The following RGS21 variants were observed in gnomAD, a reference collection of about 807,000 sequenced individuals.
RGS21 encodes the protein regulator of G-protein signalling 21.
In RGS21, 19 loss-of-function variants were observed where a neutral mutation model predicts 18.7. The ratio of observed to expected loss-of-function variants is 1.01; its 90% CI spans 0.71 to 1.49. The LOEUF is 1.49. RGS21 is among the 40% of genes most tolerant of loss of function. The probability of loss-of-function intolerance (pLI) is 0.00; values close to 1 mark genes in which losing one functional copy is unlikely to be tolerated. For synonymous variants in RGS21, 56 were observed against 57.8 expected, an observed-to-expected ratio of 0.97 and a Z score of 0.14; for missense variants, 194 against 176.8, an observed-to-expected ratio of 1.10 and a Z score of -0.55.
At chr1:192,331,255 T>C (rs977372692) in intron 1 of RGS21, among the ~76,000 whole-genome samples, 2 of 152,154 alleles carry the variant, frequency 1.3e-5, no homozygotes, top group African/African-American at 4.8e-5. Flanking sequence ...AAATCTATTT[T>C]AAATAAATAT....
chr1:192,356,757 C>A (rs1258643216), intron 4 of RGS21, among the ~76,000 whole-genome samples: 1 of 151,624 alleles, frequency 6.6e-6, no homozygotes, highest in African/African-American at 2.4e-5. Context: ...CGTATTTTTT[C>A]TTTGCATTTT....
chr1:192,338,699 C>T (rs879607156), intron 1 of RGS21, among the ~76,000 whole-genome samples: 11 of 152,068 alleles, frequency 7.2e-5, no homozygotes, highest in Non-Finnish European at 1.6e-4. Flanking sequence ...ACACTGTAGC[C>T]TTAACTTTTC....
chr1:192,355,636 T>C (rs953307096), intron 4 of RGS21, among the ~76,000 whole-genome samples: 11 of 151,714 alleles, frequency 7.3e-5, no homozygotes, highest in African/African-American at 1.9e-4. Flanking sequence ...ACTTTGTACA[T>C]ACTAATAATG....
chr1:192,364,961 C>G (rs374763284), intron 4 of RGS21, among the ~76,000 whole-genome samples: 6 of 151,768 alleles, frequency 4.0e-5, no homozygotes, highest in Non-Finnish European at 7.4e-5. Context: ...GGTGAAACCC[C>G]GTCTCTACTA....
intron 3 of RGS21, among the ~76,000 whole-genome samples, chr1:192,351,264 T>C (rs898577177): frequency 1.3e-5 from 2 of 152,140 alleles, no homozygotes; most frequent in Non-Finnish European, 2.9e-5. Context: ...TATCGCCACA[T>C]AAAGGGGAGA....
chr1:192,334,853 A>G (rs1168654410), intron 1 of RGS21, among the ~76,000 whole-genome samples: 1 of 152,030 alleles, frequency 6.6e-6, no homozygotes, highest in Admixed American at 6.6e-5. Flanking sequence ...TTCCCCCAAC[A>G]AGATTGGGTT....
chr1:192,359,643 ATG>A lies in RGS21; in HGVS notation c.256-6266_256-6265del, dbSNP rs541800064. On this transcript the variant is annotated intron_variant, in intron 4 of 4. Coordinates refer to ENST00000417209, the MANE Select transcript of RGS21 (RefSeq NM_001039152.3). Reference sequence around the variant, plus strand: ...TATGTGTATGTATATATATGTTTATATGTGTGTGTGTGTATATATATATATAT... The same window carrying A: ...TATGTGTATGTATATATATGTTTATATGTGTGTGTGTATATATATATATAT... Among the ~76,000 whole-genome samples, 278 of 126,206 alleles carry A rather than the reference ATG, an allele frequency of 2.2e-3. 2 individuals are homozygous for A. Among genetic ancestry groups the A allele is most frequent in the Middle Eastern group, 0.013 (3 of 236 alleles). The allele number at this position is 126,206 out of a possible 152,430, so 82.8% of individuals were successfully genotyped here.
intron 4 of RGS21, among the ~76,000 whole-genome samples, chr1:192,359,655 GTATATA>G (rs10638712): frequency 1.6e-5 from 2 of 124,270 alleles, no homozygotes; most frequent in Admixed American, 8.1e-5. Flanking sequence ...GTGTGTGTGT[GTATATA>G]TATATATATA....
At chr1:192,329,646 T>C (rs1658617519) in intron 1 of RGS21, among the ~76,000 whole-genome samples, 1 of 152,154 alleles carries the variant, frequency 6.6e-6, no homozygotes, top group Non-Finnish European at 1.5e-5. Context: ...GAGATGTTTC[T>C]CAAATGAGGT....
At chr1:192,334,177 A>C (rs553569726) in intron 1 of RGS21, among the ~76,000 whole-genome samples, 57 of 152,252 alleles carry the variant, frequency 3.7e-4, no homozygotes, top group Non-Finnish European at 7.2e-4. Context: ...GTGTAGTAGA[A>C]AGTATATTTG....
intron 1 of RGS21, among the ~76,000 whole-genome samples, chr1:192,328,553 G>T (rs1302598876): frequency 6.6e-6 from 1 of 152,098 alleles, no homozygotes; most frequent in Non-Finnish European, 1.5e-5. Context: ...AAATGGCAAA[G>T]ACTTTTATTT....
intron 1 of RGS21, among the ~76,000 whole-genome samples, chr1:192,338,482 C>A (rs1658804236): frequency 6.6e-6 from 1 of 151,962 alleles, no homozygotes; most frequent in Non-Finnish European, 1.5e-5. Flanking sequence ...ACGATCAGTG[C>A]GATTTTGTGG....
At position 192,353,908 on chromosome 1, in the gene RGS21, G is replaced by A. The variant is rs1221965722; in HGVS notation, c.255+1695G>A. ...CTTTCCTTGAAGTGTCTCTAAAAAT[G>A]CTATTAGATATTACCAAATTAACTG... On this transcript the variant is annotated intron_variant, in intron 4 of 4. Transcript: ENST00000417209. Among the ~76,000 whole-genome samples, 5 of 151,390 alleles carry A rather than the reference G, an allele frequency of 3.3e-5. No homozygotes were observed. In the South Asian group the frequency reaches 1.0e-3, roughly 31 times the overall value.
intron 1 of RGS21, among the ~76,000 whole-genome samples, chr1:192,331,566 TAAA>T (rs1658651756): frequency 6.6e-6 from 1 of 150,604 alleles, no homozygotes; most frequent in African/African-American, 2.4e-5. Flanking sequence ...AATAAATAAA[TAAA>T]TAAATAAATA....
intron 3 of RGS21, among the ~76,000 whole-genome samples, chr1:192,349,667 G>A (rs1336924757): frequency 2.0e-5 from 3 of 152,096 alleles, no homozygotes; most frequent in African/African-American, 4.8e-5. Flanking sequence ...TCATGTTCAA[G>A]ATATAGATAA....
intron 1 of RGS21, among the ~76,000 whole-genome samples, chr1:192,341,765 C>CTT (rs11285643): frequency 1.4e-5 from 2 of 142,546 alleles, no homozygotes; most frequent in African/African-American, 5.1e-5. Context: ...TTGCATGGTT[C>CTT]TTTTTTTTTT....
rs929677503 is a variant in RGS21 at position 192,339,666 on chromosome 1, G to A, written c.-60-3311G>A. 7.9e-5 allele frequency among the ~76,000 whole-genome samples: 12 copies of A among 151,878 alleles called. No individual in the cohort carries two copies. The East Asian group carries it at 1.7e-3, about 22-fold the overall frequency. On this transcript the variant is annotated intron_variant, in intron 1 of 4. Coordinates refer to ENST00000417209, the MANE Select transcript of RGS21 (RefSeq NM_001039152.3). ...ATGTTTACTGTTCCATCCATCTGTAGCCACCCTTGTTCTCTCGTGTTTGGA... is the reference window on the plus strand; with the variant it reads ...ATGTTTACTGTTCCATCCATCTGTAACCACCCTTGTTCTCTCGTGTTTGGA...
intron 1 of RGS21, among the ~76,000 whole-genome samples, chr1:192,335,521 A>G (rs981269682): frequency 2.6e-5 from 4 of 152,124 alleles, no homozygotes; most frequent in Non-Finnish European, 5.9e-5. Flanking sequence ...TTTTGCAAAT[A>G]CTCACTGGAC....
chr1:192,352,601 G>T (rs1659059928), intron 4 of RGS21, among the ~76,000 whole-genome samples: 1 of 151,980 alleles, frequency 6.6e-6, no homozygotes, highest in South Asian at 2.1e-4. Context: ...AGTCAATATG[G>T]ATAGCATTCT....
Sources: allele counts gnomAD v4.1 joint callset (sites outside exome capture counted in the v4.1 genomes callset), GRCh38; gene constraint gnomAD v4.1.1; transcripts MANE v1.5; gene names NCBI Gene and HGNC (gene_info 2026-07-23, HGNC 2026-07-21).